SH3PXD2A: variants seen among roughly 807,000 people sequenced by gnomAD.
SH3PXD2A encodes SH3 and PX domains 2A.
A neutral mutation model predicts 115.2 loss-of-function variants in SH3PXD2A; 32 were observed. The observed-to-expected ratio is 0.28, with a 90% CI of 0.21 to 0.37. The LOEUF (loss-of-function observed/expected upper bound fraction) is 0.37, where lower values mean the gene tolerates loss of function less well. SH3PXD2A is among the 10% of genes least tolerant of loss of function. SH3PXD2A has a pLI of 1.00. For missense variants in SH3PXD2A, 1,328 were observed against 1,498.7 expected (o/e 0.89, Z 1.88); for synonymous variants, 610 against 629.1 (o/e 0.97, Z 0.45).
intron 5 of SH3PXD2A, among the ~76,000 whole-genome samples, chr10:103,716,246 T>C (rs2038103595): frequency 6.6e-6 from 1 of 152,150 alleles, no homozygotes; most frequent in Non-Finnish European, 1.5e-5. Context: ...TGGCCTCCCC[T>C]TTTGGCCTGC....
At chr10:103,766,393 C>T (rs374060321) in intron 3 of SH3PXD2A, among the ~76,000 whole-genome samples, 20 of 152,146 alleles carry the variant, frequency 1.3e-4, no homozygotes, top group African/African-American at 4.6e-4. Context: ...CCAGGAGGCC[C>T]GAGTTTATTC....
intron 3 of SH3PXD2A, among the ~76,000 whole-genome samples, chr10:103,738,090 C>T (rs1012988447): frequency 6.6e-6 from 1 of 152,206 alleles, no homozygotes; most frequent in Non-Finnish European, 1.5e-5. Context: ...TCAAGCTCTC[C>T]TTCATCATCT....
At chr10:103,669,566 T>A (rs1290694105) in intron 6 of SH3PXD2A, among the ~76,000 whole-genome samples, 1 of 152,352 alleles carries the variant, frequency 6.6e-6, no homozygotes, top group East Asian at 1.9e-4. Flanking sequence ...CAGTGACTCA[T>A]TTAGTCCCCA....
rs2036220535 is a variant in SH3PXD2A, at chr10:103,601,949, G to A, written c.3269C>T (p.Ala1090Val). The change falls in exon 15 of 15, where the codon GCA becomes GTA. Residue 1090 changes from alanine (A) to valine (V), a missense_variant. Ala to Val is a moderately conservative substitution (Grantham distance 64). Coordinates refer to ENST00000369774, the MANE Select transcript of SH3PXD2A (RefSeq NM_001394015.1). ...IADYEGDEET[A>V]GFQEGVSMEV... ...CATGGACACCCCCTCCTGGAAGCCTGCTGTCTCCTCATCCCCCTCGTAGTC... is the reference window on the plus strand; with the variant it reads ...CATGGACACCCCCTCCTGGAAGCCTACTGTCTCCTCATCCCCCTCGTAGTC... 2 of 1,613,932 alleles carry A rather than the reference G, an allele frequency of 1.2e-6. No individual in the cohort carries two copies. The highest frequency in any genetic ancestry group is 1.7e-5 in the Admixed American group (1 of 60,004).
At chr10:103,695,427 G>A (rs940452166) in intron 5 of SH3PXD2A, among the ~76,000 whole-genome samples, 1 of 151,680 alleles carries the variant, frequency 6.6e-6, no homozygotes, top group African/African-American at 2.4e-5. Context: ...AGGATTGCTT[G>A]AAGCCCAGGA....
At chr10:103,621,754 G>A (rs969224060) in intron 10 of SH3PXD2A, among the ~76,000 whole-genome samples, 1 of 152,202 alleles carries the variant, frequency 6.6e-6, no homozygotes, top group African/African-American at 2.4e-5. Flanking sequence ...CTGGATGCTA[G>A]AAAGATCCTG....
At chr10:103,742,876 G>T (rs2038458795) in intron 3 of SH3PXD2A, among the ~76,000 whole-genome samples, 1 of 152,194 alleles carries the variant, frequency 6.6e-6, no homozygotes, top group Non-Finnish European at 1.5e-5. Flanking sequence ...ACACCCAGGA[G>T]AGAAGAGACG....
In SH3PXD2A at chr10:103,599,968, C is replaced by T. The variant is rs2036192038; in HGVS notation, c.*1848G>A. ...CGAGGGACAGGGGCTTAGGGTTGCC[C>T]AGGCAAGGCCTCTGGGATGGGGTGT... On this transcript the variant is annotated 3_prime_UTR_variant, in exon 15 of 15. Transcript: ENST00000369774. The T allele has an allele frequency of 6.9e-6, 1 of 144,110 alleles. No individual in the cohort carries two copies. The highest frequency in any genetic ancestry group is 2.6e-5 in the African/African-American group (1 of 38,098). The allele number at this position is 144,110 out of a possible 1,614,324, so 8.9% of individuals were successfully genotyped here. A position where few individuals can be genotyped will look rare whatever the true frequency, so the allele number is the denominator to read the frequency against.
At chr10:103,754,434 C>T (rs769167835) in intron 3 of SH3PXD2A, 1 of 152,166 alleles carries the variant, frequency 6.6e-6, no homozygotes, top group Non-Finnish European at 1.5e-5. Flanking sequence ...TCCATCCTAA[C>T]AGTACGACGT....
rs1455198522 is a variant in SH3PXD2A at position 103,613,178 on chromosome 10, T to C, written c.933A>G (p.Lys311=). 6.3e-7 allele frequency: 1 copy of C among 1,599,394 alleles called. No individual in the cohort carries two copies. Among genetic ancestry groups the C allele is most frequent in the Non-Finnish European group, 8.5e-7 (1 of 1,174,114 alleles). Residue 311 remains lysine (K), a synonymous_variant, in exon 12 of 15, where the codon AAA becomes AAG. Transcript: ENST00000369774. The stretch of plus-strand genomic sequence containing the variant: ...GGTAGGATGCTGGCGCCCAGCCCTC[T>C]TTGCCCAGGTATCTGTGGGGAGGAG... ...EGWWYIRYLG[K]EGWAPASYLK...
chr10:103,644,240 C>A (rs2037000611), intron 8 of SH3PXD2A, among the ~76,000 whole-genome samples: 1 of 151,422 alleles, frequency 6.6e-6, no homozygotes, highest in Admixed American at 6.6e-5. Context: ...ACCTGCCCTA[C>A]TTACCCTTAG....
chr10:103,602,778 C>A lies in SH3PXD2A; in HGVS notation c.2440G>T (p.Gly814Trp). Residue 814 changes from glycine (G) to tryptophan (W), a missense_variant, in exon 15 of 15, where the codon GGG becomes TGG. By Grantham distance (184) the Gly-to-Trp change is radical (BLOSUM62 -2). Transcript: ENST00000369774. The stretch of plus-strand genomic sequence containing the variant: ...AGGTCGGATGAGCTTCTCCTAGACC[C>A]CTCACTGGGAGCCTCGGAGGCCGTC... ...PQTASEAPSE[G>W]SRRSSSDLIT... is the part of the protein sequence containing the mutation. 6.2e-7 allele frequency: 1 copy of A among 1,614,056 alleles called. No individual in the cohort carries two copies. Among genetic ancestry groups the A allele is most frequent in the Admixed American group, 1.7e-5 (1 of 60,018 alleles).
intron 4 of SH3PXD2A, among the ~76,000 whole-genome samples, chr10:103,733,148 T>C (rs1481937735): frequency 6.6e-6 from 1 of 151,942 alleles, no homozygotes; most frequent in Non-Finnish European, 1.5e-5. Flanking sequence ...CTTGTCTGGC[T>C]CTGGGCAGTT....
rs1442626883 is a variant in SH3PXD2A, at chr10:103,595,856, C to T, written c.*5960G>A. 1 of 152,618 alleles carries T rather than the reference C, an allele frequency of 6.6e-6. No individual in the cohort carries two copies. The highest frequency in any genetic ancestry group is 2.4e-5 in the African/African-American group (1 of 41,436). The allele number at this position is 152,618 out of a possible 1,614,324, so 9.5% of individuals were successfully genotyped here. A position where few individuals can be genotyped will look rare whatever the true frequency, so the allele number is the denominator to read the frequency against. On this transcript the variant is annotated 3_prime_UTR_variant, in exon 15 of 15. Transcript: ENST00000369774. Reference sequence around the variant, plus strand: ...AGTCTGTAAGCACCAGTGTGCCCACCTTATGGCCTGGGGACCCAGGTTTGC... The same window carrying T: ...AGTCTGTAAGCACCAGTGTGCCCACTTTATGGCCTGGGGACCCAGGTTTGC...
At chr10:103,844,331 A>C (rs1842818975) in intron 1 of SH3PXD2A, among the ~76,000 whole-genome samples, 1 of 152,192 alleles carries the variant, frequency 6.6e-6, no homozygotes, top group South Asian at 2.1e-4. Context: ...CTCCACTGCC[A>C]GCCCCATGCC....
intron 3 of SH3PXD2A, among the ~76,000 whole-genome samples, chr10:103,749,379 A>T: frequency 6.6e-6 from 1 of 152,188 alleles, no homozygotes; most frequent in Non-Finnish European, 1.5e-5. Context: ...TCTCTTAGCA[A>T]CTCAGTGACC....
intron 6 of SH3PXD2A, among the ~76,000 whole-genome samples, chr10:103,670,167 C>T (rs1235899961): frequency 6.6e-6 from 1 of 152,108 alleles, no homozygotes; most frequent in Non-Finnish European, 1.5e-5. Context: ...ACTAGAAAGC[C>T]TGGCCCCCTT....
intron 7 of SH3PXD2A, among the ~76,000 whole-genome samples, chr10:103,664,629 G>A (rs58031722): frequency 2.0e-5 from 3 of 151,836 alleles, no homozygotes; most frequent in South Asian, 2.1e-4. Context: ...GGGACACAGC[G>A]GCTGCTTAAT....
At chr10:103,705,764 C>T (rs147840170) in intron 5 of SH3PXD2A, among the ~76,000 whole-genome samples, 275 of 152,206 alleles carry the variant, frequency 1.8e-3, no homozygotes, top group Middle Eastern at 6.8e-3. Flanking sequence ...AAAGGTAAAA[C>T]GAAGGCAAAG....
Sources: gnomAD v4.1 joint callset for allele counts (sites outside exome capture counted in the v4.1 genomes callset) on GRCh38, gnomAD v4.1.1 for gene constraint, MANE v1.5 for transcripts, NCBI Gene and HGNC (gene_info 2026-07-23, HGNC 2026-07-21) for gene names.